Variants in CCSER1 observed in about 807,000 individuals in gnomAD.
The protein encoded by CCSER1 is coiled-coil serine rich protein 1, also known as serine-rich coiled-coil domain-containing protein 1.
Under a neutral mutation model 82.0 loss-of-function variants are expected in CCSER1, and 41 were observed. The ratio of observed to expected loss-of-function variants is 0.50; its 90% CI spans 0.39 to 0.65. The LOEUF is 0.65. Among genes scored for constraint, CCSER1 ranks in the 30% least tolerant of loss-of-function variants. CCSER1 has a pLI of 0.00. For synonymous variants in CCSER1, 414 were observed against 383.9 expected (o/e 1.08, Z -0.92); for missense variants, 1,119 against 1,064.2 (o/e 1.05, Z -0.72).
At chr4:90,495,723 A>T (rs898484070) in intron 5 of CCSER1, among the ~76,000 whole-genome samples, 1 of 152,198 alleles carries the variant, frequency 6.6e-6, no homozygotes, top group Admixed American at 6.6e-5. Context: ...TATAGCAGAG[A>T]TCATCATCTT....
intron 10 of CCSER1, among the ~76,000 whole-genome samples, chr4:91,490,048 T>C (rs905209419): frequency 1.9e-4 from 29 of 152,196 alleles, no homozygotes; most frequent in African/African-American, 5.5e-4. Flanking sequence ...ATGAGGTATG[T>C]CACCCCAGTT....
chr4:90,668,740 G>A (rs189688046), intron 6 of CCSER1, among the ~76,000 whole-genome samples: 1 of 151,864 alleles, frequency 6.6e-6, no homozygotes, highest in Non-Finnish European at 1.5e-5. Flanking sequence ...TGTTATTTTG[G>A]GAATTTTTTA....
At chr4:90,816,882 A>G (rs912499864) in intron 8 of CCSER1, among the ~76,000 whole-genome samples, 1 of 152,088 alleles carries the variant, frequency 6.6e-6, no homozygotes, top group Non-Finnish European at 1.5e-5. Flanking sequence ...CACAACTGAC[A>G]ATGTTTTCCC....
At chr4:90,875,890 A>G (rs1228141024) in intron 8 of CCSER1, among the ~76,000 whole-genome samples, 2 of 152,196 alleles carry the variant, frequency 1.3e-5, no homozygotes, top group African/African-American at 2.4e-5. Context: ...AACAAAATTA[A>G]AGAAAACAGA....
intron 9 of CCSER1, among the ~76,000 whole-genome samples, chr4:90,955,546 TG>T (rs1733347878): frequency 6.6e-6 from 1 of 152,176 alleles, no homozygotes; most frequent in African/African-American, 2.4e-5. Flanking sequence ...AGTAGTATAT[TG>T]GGGTAAACTG....
rs139282228 is a variant in CCSER1, at chr4:91,288,209, C to T, written c.2217+202215C>T. ...ATACATACACATATGTACACACACA[C>T]CTTCTGGTTTTAGCGTAGGATGTAG... On this transcript the variant is annotated intron_variant, in intron 10 of 10. Coordinates refer to ENST00000509176, the MANE Select transcript of CCSER1 (RefSeq NM_001145065.2). 2.5e-4 allele frequency among the ~76,000 whole-genome samples: 37 copies of T among 148,314 alleles called. No individual in the cohort carries two copies. In the East Asian group the frequency reaches 5.6e-3, roughly 23 times the overall value.
intron 1 of CCSER1, among the ~76,000 whole-genome samples, chr4:90,252,811 TG>T (rs756633086): frequency 2.0e-4 from 30 of 151,986 alleles, no homozygotes; most frequent in Non-Finnish European, 2.2e-4. Flanking sequence ...AATTGTTCAA[TG>T]TGTCTATTTC....
chr4:90,377,695 A>G (rs1748570498), intron 3 of CCSER1, among the ~76,000 whole-genome samples: 1 of 152,132 alleles, frequency 6.6e-6, no homozygotes, highest in Non-Finnish European at 1.5e-5. Context: ...AATCTCATGA[A>G]TATTATGTTT....
intron 9 of CCSER1, among the ~76,000 whole-genome samples, chr4:91,027,604 T>A (rs958423590): frequency 1.3e-5 from 2 of 152,058 alleles, no homozygotes; most frequent in Non-Finnish European, 2.9e-5. Context: ...GCCCTATTTT[T>A]ACCCTGAAGG....
intron 8 of CCSER1, among the ~76,000 whole-genome samples, chr4:90,888,387 A>G (rs1722468804): frequency 6.6e-6 from 1 of 152,166 alleles, no homozygotes; most frequent in Non-Finnish European, 1.5e-5. Flanking sequence ...ATATACTTTG[A>G]AAGGGCAAGA....
intron 5 of CCSER1, among the ~76,000 whole-genome samples, chr4:90,470,798 G>T (rs1764292376): frequency 1.4e-5 from 2 of 138,358 alleles, no homozygotes; most frequent in South Asian, 2.3e-4. Context: ...ACCCAGATTT[G>T]AGTGTCATTG....
chr4:90,561,606 G>A (rs932485528), intron 5 of CCSER1, among the ~76,000 whole-genome samples: 5 of 151,944 alleles, frequency 3.3e-5, no homozygotes, highest in African/African-American at 1.2e-4. Context: ...TCTCCCATGC[G>A]GCTTATTTGT....
intron 10 of CCSER1, among the ~76,000 whole-genome samples, chr4:91,400,341 A>T (rs1021129375): frequency 1.3e-5 from 2 of 151,818 alleles, no homozygotes; most frequent in Non-Finnish European, 2.9e-5. Context: ...GCTGAAGTTA[A>T]GTAGTACTAA....
At chr4:91,067,171 A>G (rs374252565) in intron 9 of CCSER1, among the ~76,000 whole-genome samples, 3 of 149,730 alleles carry the variant, frequency 2.0e-5, no homozygotes, top group African/African-American at 7.4e-5. Context: ...CTCAAAAAGA[A>G]AAAAAAAAGA....
At chr4:91,148,657 C>T (rs986971463) in intron 10 of CCSER1, among the ~76,000 whole-genome samples, 1 of 152,042 alleles carries the variant, frequency 6.6e-6, no homozygotes, top group Admixed American at 6.6e-5. Flanking sequence ...ATGACAGGCC[C>T]CGGTGTGTGA....
intron 10 of CCSER1, among the ~76,000 whole-genome samples, chr4:91,321,458 G>A (rs1746189597): frequency 6.6e-6 from 1 of 152,026 alleles, no homozygotes; most frequent in South Asian, 2.1e-4. Flanking sequence ...GGTGCCGATT[G>A]CAGCTTAACA....
chr4:91,560,777 G>C (rs1762619622), intron 10 of CCSER1, among the ~76,000 whole-genome samples: 1 of 151,218 alleles, frequency 6.6e-6, no homozygotes, highest in Non-Finnish European at 1.5e-5. Flanking sequence ...AGCTTCTCAA[G>C]TGCTTTTCTT....
intron 10 of CCSER1, among the ~76,000 whole-genome samples, chr4:91,579,243 T>C (rs1363591327): frequency 6.6e-6 from 1 of 151,714 alleles, no homozygotes; most frequent in Non-Finnish European, 1.5e-5. Flanking sequence ...TTTAAAATTT[T>C]ATTTCACATT....
chr4:90,271,111 A>G (rs1387815806), intron 1 of CCSER1, among the ~76,000 whole-genome samples: 1 of 152,090 alleles, frequency 6.6e-6, no homozygotes, highest in Non-Finnish European at 1.5e-5. Flanking sequence ...AAATACCTAG[A>G]CATTTCTCTC....
Sources: gnomAD v4.1 joint callset for allele counts (sites outside exome capture counted in the v4.1 genomes callset) on GRCh38, gnomAD v4.1.1 for gene constraint, MANE v1.5 for transcripts, NCBI Gene and HGNC (gene_info 2026-07-23, HGNC 2026-07-21) for gene names.